Variants in LRRC4C observed in about 807,000 individuals in gnomAD.
LRRC4C encodes leucine rich repeat containing 4C.
LRRC4C carries 5 observed loss-of-function variants against 33.6 expected under a neutral mutation model. The observed-to-expected ratio is 0.15, with a 90% CI of 0.08 to 0.31. LRRC4C has a LOEUF of 0.31. LRRC4C is among the 10% of genes least tolerant of loss of function. The probability of loss-of-function intolerance (pLI) is 1.00; values close to 1 mark genes in which losing one functional copy is unlikely to be tolerated. For synonymous variants in LRRC4C, 329 were observed against 302.0 expected (o/e 1.09, Z -0.93); for missense variants, 560 against 796.7 (o/e 0.70, Z 3.58).
At chr11:40,866,648 G>A (rs1406300377) in intron 2 of LRRC4C, among the ~76,000 whole-genome samples, 1 of 152,112 alleles carries the variant, frequency 6.6e-6, no homozygotes, top group African/African-American at 2.4e-5. Context: ...TTGGGTATTG[G>A]CTACGTGAAC....
At chr11:40,891,582 A>G (rs1314017354) in intron 2 of LRRC4C, among the ~76,000 whole-genome samples, 2 of 152,202 alleles carry the variant, frequency 1.3e-5, no homozygotes, top group Non-Finnish European at 2.9e-5. Flanking sequence ...CTGATTAAAA[A>G]CTGGGCAGAG....
chr11:40,219,782 A>ATG (rs547618684), intron 5 of LRRC4C, among the ~76,000 whole-genome samples: 1 of 152,276 alleles, frequency 6.6e-6, no homozygotes, highest in South Asian at 2.1e-4. Context: ...AGTTGCAAAT[A>ATG]TGTAGGATGA....
chr11:40,710,448 C>T (rs1429151360), intron 2 of LRRC4C, among the ~76,000 whole-genome samples: 2 of 152,158 alleles, frequency 1.3e-5, no homozygotes, highest in Admixed American at 6.5e-5. Flanking sequence ...ACAGTCAGGT[C>T]CCTCAGCTGC....
At chr11:40,869,709 C>T (rs1231813423) in intron 2 of LRRC4C, among the ~76,000 whole-genome samples, 1 of 152,074 alleles carries the variant, frequency 6.6e-6, no homozygotes, top group South Asian at 2.1e-4. Flanking sequence ...CAGCTCACCC[C>T]AAGAGAAGAA....
chr11:41,306,052 AC>A (rs1950497130), intron 1 of LRRC4C, among the ~76,000 whole-genome samples: 1 of 150,392 alleles, frequency 6.6e-6, no homozygotes, highest in Admixed American at 6.6e-5. Context: ...AAAGAAAAAT[AC>A]TGCATTAAAT....
chr11:40,172,851 C>T (rs946286679), intron 5 of LRRC4C, among the ~76,000 whole-genome samples: 1 of 152,058 alleles, frequency 6.6e-6, no homozygotes, highest in African/African-American at 2.4e-5. Flanking sequence ...TTTAGCCTTA[C>T]TGTAATAGAA....
chr11:40,359,699 C>T (rs1314936490), intron 3 of LRRC4C, among the ~76,000 whole-genome samples: 1 of 152,282 alleles, frequency 6.6e-6, no homozygotes, highest in Admixed American at 6.5e-5. Flanking sequence ...GGATATTATT[C>T]AAGTTCTCTA....
chr11:40,542,525 A>G (rs1255357198), intron 3 of LRRC4C, among the ~76,000 whole-genome samples: 1 of 152,150 alleles, frequency 6.6e-6, no homozygotes, highest in Non-Finnish European at 1.5e-5. Context: ...CTCAGATTGT[A>G]GGTTCTTCTC....
At chr11:40,676,540 C>T (rs1591438877) in intron 2 of LRRC4C, among the ~76,000 whole-genome samples, 1 of 152,160 alleles carries the variant, frequency 6.6e-6, no homozygotes, top group African/African-American at 2.4e-5. Flanking sequence ...TCAATACCTG[C>T]CTCCTTTTAA....
intron 3 of LRRC4C, among the ~76,000 whole-genome samples, chr11:40,627,216 C>A (rs1031142130): frequency 6.7e-6 from 1 of 149,704 alleles, no homozygotes; most frequent in Non-Finnish European, 1.5e-5. Context: ...TGACTACCTA[C>A]CAATATTTCA....
intron 2 of LRRC4C, among the ~76,000 whole-genome samples, chr11:40,891,276 C>A (rs1955697189): frequency 6.6e-6 from 1 of 151,988 alleles, no homozygotes. Flanking sequence ...ACAACAACAA[C>A]AACAACGACA....
intron 1 of LRRC4C, among the ~76,000 whole-genome samples, chr11:41,430,760 G>A (rs1290827641): frequency 1.3e-5 from 2 of 151,968 alleles, no homozygotes; most frequent in Non-Finnish European, 2.9e-5. Flanking sequence ...ATATGTTATT[G>A]TAAAACACTT....
At chr11:40,180,130 C>A (rs1179183173) in intron 5 of LRRC4C, among the ~76,000 whole-genome samples, 1 of 152,144 alleles carries the variant, frequency 6.6e-6, no homozygotes, top group African/African-American at 2.4e-5. Context: ...GTAAAAAGAT[C>A]ATTTGCATTT....
At chr11:40,943,017 A>G (rs1037285156) in intron 1 of LRRC4C, among the ~76,000 whole-genome samples, 1 of 152,190 alleles carries the variant, frequency 6.6e-6, no homozygotes, top group African/African-American at 2.4e-5. Context: ...AAGCAGACAT[A>G]AACCTACTTT....
At chr11:40,228,418 C>A (rs994189196) in intron 5 of LRRC4C, among the ~76,000 whole-genome samples, 1 of 151,858 alleles carries the variant, frequency 6.6e-6, no homozygotes, top group Non-Finnish European at 1.5e-5. Context: ...TCATGTGCAG[C>A]CTTTTTATGA....
intron 1 of LRRC4C, among the ~76,000 whole-genome samples, chr11:41,161,900 A>G (rs1011234757): frequency 1.3e-4 from 20 of 152,324 alleles, no homozygotes; most frequent in Admixed American, 9.1e-4. Flanking sequence ...GGTTTCACCA[A>G]TGGGACATTA....
At chr11:40,125,550 T>TTCTC (rs35065547) in intron 6 of LRRC4C, among the ~76,000 whole-genome samples, 24 of 151,178 alleles carry the variant, frequency 1.6e-4, no homozygotes, top group South Asian at 4.2e-4. Flanking sequence ...TGTTCATTTC[T>TTCTC]TCTCTCTCTC....
intron 4 of LRRC4C, among the ~76,000 whole-genome samples, chr11:40,261,360 C>A (rs1458545079): frequency 6.6e-6 from 1 of 152,016 alleles, no homozygotes; most frequent in African/African-American, 2.4e-5. Context: ...TAATAAAATA[C>A]CCCTAGATAT....
intron 3 of LRRC4C, among the ~76,000 whole-genome samples, chr11:40,426,407 C>T (rs1174549631): frequency 2.0e-5 from 3 of 151,730 alleles, no homozygotes; most frequent in African/African-American, 7.3e-5. Context: ...TGTGCTTGCA[C>T]CTTTAGGGTT....
Sources: gnomAD v4.1 joint callset for allele counts (sites outside exome capture counted in the v4.1 genomes callset) on GRCh38, gnomAD v4.1.1 for gene constraint, MANE v1.5 for transcripts, NCBI Gene and HGNC (gene_info 2026-07-23, HGNC 2026-07-21) for gene names.